PCSK5: variants seen among roughly 807,000 people sequenced by gnomAD.
PCSK5 encodes proprotein convertase subtilisin/kexin type 5, also known as prohormone convertase 5.
Under a neutral mutation model 233.2 loss-of-function variants are expected in PCSK5, and 129 were observed. The observed-to-expected ratio is 0.55, with a 90% CI of 0.48 to 0.64. The LOEUF is 0.64. Ranked by LOEUF, PCSK5 falls within the 30% of genes least tolerant of loss-of-function variation. The pLI is 0.00. For missense variants in PCSK5, 2,076 were observed against 2,430.1 expected (o/e 0.85, Z 3.06); for synonymous variants, 825 against 879.2 (o/e 0.94, Z 1.09).
intron 36 of PCSK5, among the ~76,000 whole-genome samples, chr9:76,351,157 G>C (rs1315112877): frequency 6.6e-6 from 1 of 152,024 alleles, no homozygotes; most frequent in Non-Finnish European, 1.5e-5. Context: ...AAGATAATGG[G>C]GAAGTTAAGT....
At chr9:75,891,609 G>A (rs1291412816) in intron 1 of PCSK5, among the ~76,000 whole-genome samples, 1 of 151,876 alleles carries the variant, frequency 6.6e-6, no homozygotes, top group Non-Finnish European at 1.5e-5. Context: ...TCTTTTCCAA[G>A]CCACGCGGGA....
At chr9:76,014,017 A>G (rs1336404479) in intron 3 of PCSK5, among the ~76,000 whole-genome samples, 4 of 151,778 alleles carry the variant, frequency 2.6e-5, no homozygotes, top group African/African-American at 9.7e-5. Flanking sequence ...TATCCAAGCC[A>G]CACCACATTC....
chr9:76,068,129 G>A, intron 6 of PCSK5, 86 bp downstream of exon 6: 2 of 923,380 alleles, frequency 2.2e-6, no homozygotes, highest in Non-Finnish European at 3.6e-6. Context: ...TTAAATGGAG[G>A]TTAAACGATT....
rs778612493 is a variant in PCSK5, at chr9:76,159,092, A to G, written c.1540A>G (p.Ile514Val). The change falls in exon 12 of 38, where the codon ATC becomes GTC. Residue 514 changes from isoleucine to valine, a missense_variant. By Grantham distance (29) the Ile-to-Val change is conservative. This residue lies in a region of PCSK5 where 50 missense variants were observed against 104.7 expected (regional missense o/e 0.48). Coordinates refer to ENST00000674117, the MANE Select transcript of PCSK5 (RefSeq NM_001372043.1). ...GGAGCACGTCGTTGTGCGCATCACCATCACCCACCCCAGGAGAGGAGACCT... is the reference window on the plus strand; with the variant it reads ...GGAGCACGTCGTTGTGCGCATCACCGTCACCCACCCCAGGAGAGGAGACCT... ...YLEHVVVRITITHPRRGDLAI... is the reference protein window; with the variant it reads ...YLEHVVVRITVTHPRRGDLAI... The G allele has an allele frequency of 3.7e-6, 6 of 1,614,124 alleles. No homozygotes were observed. In the South Asian group the frequency reaches 5.5e-5, roughly 15 times the overall value.
At position 76,231,303 on chromosome 9, in the gene PCSK5, T is replaced by C. The variant is rs563195034; in HGVS notation, c.2730-2157T>C. Among the ~76,000 whole-genome samples, 3 of 152,200 alleles carry C rather than the reference T, an allele frequency of 2.0e-5. No homozygotes were observed. In the East Asian group the frequency reaches 5.8e-4, roughly 29 times the overall value. ...GCATGAGGATAACCGCCCCCATGAT[T>C]CAGTTACATCCCACTTGGTCCCTCC... On this transcript the variant is annotated intron_variant, in intron 21 of 37. Transcript: ENST00000674117.
At chr9:76,221,831 A>G (rs1825736348) in intron 20 of PCSK5, among the ~76,000 whole-genome samples, 1 of 152,226 alleles carries the variant, frequency 6.6e-6, no homozygotes, top group Non-Finnish European at 1.5e-5. Flanking sequence ...AGGTTGCCAG[A>G]GTAGCATTTC....
chr9:75,926,506 C>A (rs935614333), intron 1 of PCSK5, among the ~76,000 whole-genome samples: 1 of 152,168 alleles, frequency 6.6e-6, no homozygotes, highest in Non-Finnish European at 1.5e-5. Flanking sequence ...TGAGGAGGAG[C>A]TGTTTCCAGC....
At chr9:76,333,855 A>C (rs573811700) in intron 34 of PCSK5, among the ~76,000 whole-genome samples, 1 of 152,232 alleles carries the variant, frequency 6.6e-6, no homozygotes, top group South Asian at 2.1e-4. Flanking sequence ...TCATTCATTC[A>C]CTTATTTATT....
At chr9:76,026,026 T>C (rs566908811) in intron 4 of PCSK5, among the ~76,000 whole-genome samples, 1 of 152,088 alleles carries the variant, frequency 6.6e-6, no homozygotes, top group Non-Finnish European at 1.5e-5. Context: ...TGCTTGAGCA[T>C]AGGAGATACA....
intron 10 of PCSK5, among the ~76,000 whole-genome samples, chr9:76,146,540 A>ATG (rs1287432126): frequency 1.6e-4 from 24 of 149,202 alleles, no homozygotes; most frequent in African/African-American, 4.4e-4. Context: ...ATATATATAT[A>ATG]TGTGTATATA....
At chr9:76,152,676 T>C (rs2131803176) in intron 10 of PCSK5, among the ~76,000 whole-genome samples, 1 of 152,266 alleles carries the variant, frequency 6.6e-6, no homozygotes, top group East Asian at 1.9e-4. Context: ...AATAGCTGGC[T>C]CCAGTAAGGA....
intron 24 of PCSK5, among the ~76,000 whole-genome samples, chr9:76,274,564 A>G (rs975198574): frequency 9.3e-5 from 14 of 151,306 alleles, no homozygotes; most frequent in African/African-American, 3.2e-4. Flanking sequence ...GAAGATTTGC[A>G]TTTCCTTCTG....
intron 1 of PCSK5, among the ~76,000 whole-genome samples, chr9:75,894,315 TG>T (rs1402928073): frequency 1.3e-5 from 2 of 152,138 alleles, no homozygotes; most frequent in African/African-American, 4.8e-5. Context: ...TCTTAGCATT[TG>T]AAAGTCACGA....
chr9:76,179,780 G>C (rs1418151427), intron 15 of PCSK5, 82 bp downstream of exon 15: 1 of 939,482 alleles, frequency 1.1e-6, no homozygotes, highest in African/African-American at 1.6e-5. Context: ...CATGGGGTGT[G>C]TGCAGGCCAC....
At chr9:76,246,889 C>A (rs1312041746) in intron 24 of PCSK5, among the ~76,000 whole-genome samples, 1 of 152,230 alleles carries the variant, frequency 6.6e-6, no homozygotes, top group Non-Finnish European at 1.5e-5. Flanking sequence ...TGGCAGGCCA[C>A]TTCCAAAATG....
rs780708808 is a variant in PCSK5 at position 76,188,592 on chromosome 9, G to C, written c.2297G>C (p.Arg766Pro). The change falls in exon 18 of 38, where the codon CGG becomes CCG. Residue 766 changes from arginine (R) to proline (P), a missense_variant. This residue lies in a region of PCSK5 where 1,510 missense variants were observed against 1,538.1 expected (regional missense o/e 0.98). Transcript: ENST00000674117. Reference protein sequence around the residue: ...CRDGLSLQGSRCSVSCEDGRY... With the variant: ...CRDGLSLQGSPCSVSCEDGRY... ...ACTTCTTCCAGCCTGCAGGGATCCC[G>C]GTGCTCTGTCTCCTGTGAAGATGGA... 1.9e-6 allele frequency: 3 copies of C among 1,613,108 alleles called. No homozygotes were observed. Among genetic ancestry groups the C allele is most frequent in the South Asian group, 2.2e-5 (2 of 91,048 alleles).
chr9:75,961,169 A>G (rs1563939487), intron 2 of PCSK5, among the ~76,000 whole-genome samples: 1 of 152,218 alleles, frequency 6.6e-6, no homozygotes, highest in Non-Finnish European at 1.5e-5. Context: ...AGTCCAGGTC[A>G]CTGCATCGGG....
chr9:76,019,131 A>C (rs958711872), intron 3 of PCSK5, among the ~76,000 whole-genome samples: 6 of 152,222 alleles, frequency 3.9e-5, no homozygotes, highest in African/African-American at 1.4e-4. Flanking sequence ...CAAATGACCA[A>C]AGTACCTCTT....
chr9:76,099,352 A>T (rs2131662295), intron 8 of PCSK5, among the ~76,000 whole-genome samples: 1 of 152,230 alleles, frequency 6.6e-6, no homozygotes, highest in East Asian at 1.9e-4. Context: ...AGAGATTTCC[A>T]TGAAGATAAT....
Sources: allele counts gnomAD v4.1 joint callset (sites outside exome capture counted in the v4.1 genomes callset), GRCh38; gene constraint gnomAD v4.1.1; regional missense constraint gnomAD v4.1.1; transcripts MANE v1.5; gene names NCBI Gene and HGNC (gene_info 2026-07-23, HGNC 2026-07-21).